The following CCDC88B variants were observed in gnomAD, a reference collection of about 807,000 sequenced individuals.
CCDC88B encodes coiled-coil and HOOK domain protein 88B, also known as coiled-coil domain-containing protein 88B.
Under a neutral mutation model 183.7 loss-of-function variants are expected in CCDC88B, and 138 were observed. That is an observed-to-expected ratio of 0.75 (90% CI 0.65 to 0.87). CCDC88B has a LOEUF of 0.87. CCDC88B is among the 40% of genes least tolerant of loss of function. The pLI, the probability that CCDC88B is intolerant of heterozygous loss-of-function variation, is 0.00. For synonymous variants in CCDC88B, 835 were observed against 867.5 expected (o/e 0.96, Z 0.66); for missense variants, 1,822 against 1,965.6 (o/e 0.93, Z 1.38).
intron 26 of CCDC88B, 92 bp downstream of exon 26, chr11:64,355,720 A>T (rs757953539): frequency 7.1e-6 from 9 of 1,267,610 alleles, no homozygotes; most frequent in Admixed American, 2.7e-5. Flanking sequence ...TTCGACAATG[A>T]TCCTTTACCA....
At chr11:64,354,395 C>T (rs1353474018) in intron 24 of CCDC88B, among the ~76,000 whole-genome samples, 1 of 152,122 alleles carries the variant, frequency 6.6e-6, no homozygotes, top group African/African-American at 2.4e-5. Context: ...CCCAGCCTGC[C>T]CCATCCGCAG....
intron 24 of CCDC88B, 126 bp downstream of exon 24, chr11:64,354,296 C>G (rs2036457849): frequency 5.1e-6 from 4 of 782,130 alleles, no homozygotes; most frequent in Middle Eastern, 4.2e-4. Context: ...GCCTGCCCCC[C>G]CTGCCCTGAT....
Position 64,341,697 on chromosome 11 carries a change from G to T in CCDC88B, c.630G>T (p.Met210Ile). The change falls in exon 7 of 27, where the codon ATG becomes ATT. Residue 210 changes from methionine to isoleucine, a missense_variant. Coordinates refer to ENST00000356786, the MANE Select transcript of CCDC88B (RefSeq NM_032251.6). ...TGGAGATGCTGTCCCGGAGCCTGAT[G>T]GGGACACTGTCGAAGCTGGCACGGG... is the stretch of plus-strand genomic sequence containing the variant. ...AELEMLSRSL[M>I]GTLSKLARER... is the part of the protein sequence containing the mutation. 6.2e-7 allele frequency: 1 copy of T among 1,605,792 alleles called. No homozygotes were observed. Among genetic ancestry groups the T allele is most frequent in the Non-Finnish European group, 8.5e-7 (1 of 1,176,484 alleles).
rs771559730 is a variant in CCDC88B at position 64,345,004 on chromosome 11, G to A, written c.2463G>A (p.Ala821=). The A allele has an allele frequency of 1.6e-5, 25 of 1,546,604 alleles. No homozygotes were observed. Among genetic ancestry groups the A allele is most frequent in the South Asian group, 2.4e-5 (2 of 84,344 alleles). ...REALVEALAA[A]GRERRQWERE... ...CGCTGGTGGAGGCGCTGGCAGCAGC[G>A]GGCCGGGAGCGGAGGCAGTGGGAGC... is the stretch of plus-strand genomic sequence containing the variant. Residue 821 remains alanine, a synonymous_variant, in exon 14 of 27, where the codon GCG becomes GCA. Transcript: ENST00000356786.
At chr11:64,347,685 T>C (rs1217332792) in intron 14 of CCDC88B, among the ~76,000 whole-genome samples, 1 of 152,188 alleles carries the variant, frequency 6.6e-6, no homozygotes, top group Non-Finnish European at 1.5e-5. Context: ...ACTTTCCAGC[T>C]GTGTGGCTTG....
chr11:64,357,068 C>G lies in CCDC88B; in HGVS notation c.4405C>G (p.Pro1469Ala), dbSNP rs767589028. The G allele has an allele frequency of 1.2e-6, 2 of 1,608,142 alleles. No individual in the cohort carries two copies. Among genetic ancestry groups the G allele is most frequent in the Non-Finnish European group, 1.7e-6 (2 of 1,176,376 alleles). ...GPEVQEPEKR[P>A]LTPSLSQ ...TGAGGTACAGGAACCGGAGAAACGTCCCCTCACCCCATCCCTCAGCCAGTG... is the reference window on the plus strand; with the variant it reads ...TGAGGTACAGGAACCGGAGAAACGTGCCCTCACCCCATCCCTCAGCCAGTG... The change falls in exon 27 of 27, where the codon CCC (proline) becomes GCC (alanine). Residue 1469 changes from proline (P) to alanine (A), a missense_variant. Physicochemically the swap from Pro to Ala is conservative, Grantham distance 27 (BLOSUM62 -1). Coordinates refer to ENST00000356786, the MANE Select transcript of CCDC88B (RefSeq NM_032251.6).
Position 64,340,284 on chromosome 11 carries a change from G to T in CCDC88B, c.18G>T (p.Gly6=). Residue 6 remains glycine (G), a synonymous_variant, in exon 1 of 27, where the codon GGG becomes GGT. Transcript: ENST00000356786. MEGGK[G]PRLRDFLSGS... ...ACCCGGGCATGGAGGGGGGCAAGGG[G>T]CCCAGGCTCAGAGACTTCCTGAGTG... 1 of 1,273,202 alleles carries T rather than the reference G, an allele frequency of 7.9e-7. No individual in the cohort carries two copies. Among genetic ancestry groups the T allele is most frequent in the East Asian group, 3.1e-5 (1 of 32,094 alleles). The allele number at this position is 1,273,202 out of a possible 1,614,324, so 78.9% of individuals were successfully genotyped here.
rs1246274014 is a variant in CCDC88B, at chr11:64,342,510, C to G, written c.904-12C>G. The G allele has an allele frequency of 1.3e-6, 2 of 1,527,280 alleles. No homozygotes were observed. Among genetic ancestry groups the G allele is most frequent in the Non-Finnish European group, 1.8e-6 (2 of 1,141,288 alleles). The allele number at this position is 1,527,280 out of a possible 1,614,324, so 94.6% of individuals were successfully genotyped here. On this transcript the variant is annotated splice_polypyrimidine_tract_variant and intron_variant, in intron 9 of 26. Coordinates refer to ENST00000356786, the MANE Select transcript of CCDC88B (RefSeq NM_032251.6). Reference sequence around the variant, plus strand: ...CGGCTGGCTGTTCCCAGCTCCACACCGTCTGGCCCAGGCCCAGGCGCTGTC... The same window carrying G: ...CGGCTGGCTGTTCCCAGCTCCACACGGTCTGGCCCAGGCCCAGGCGCTGTC...
intron 16 of CCDC88B, 76 bp from the exon 17 acceptor site, chr11:64,351,084 C>CAT (rs2135311669): frequency 9.3e-7 from 1 of 1,072,204 alleles, no homozygotes; most frequent in Non-Finnish European, 1.3e-6. Flanking sequence ...AGGGCAGGTC[C>CAT]ATAAGCGCAG....
intron 14 of CCDC88B, among the ~76,000 whole-genome samples, chr11:64,348,485 G>A (rs2036204657): frequency 6.6e-6 from 1 of 152,186 alleles, no homozygotes; most frequent in South Asian, 2.1e-4. Flanking sequence ...TTGCGCTAGT[G>A]GCTGTCAGCC....
chr11:64,354,302 C>A (rs1330287854), intron 24 of CCDC88B, 132 bp downstream of exon 24: 43 of 695,400 alleles, frequency 6.2e-5, no homozygotes, highest in Non-Finnish European at 7.9e-5. Context: ...CCCCCCTGCC[C>A]TGATGCCACC....
chr11:64,349,980 G>T, intron 16 of CCDC88B: 1 of 415,114 alleles, frequency 2.4e-6, no homozygotes, highest in Admixed American at 3.6e-5. Context: ...GGAAGCCAGC[G>T]ATGGTTTCTG....
At chr11:64,355,173 C>A in intron 24 of CCDC88B, 21 bp from the exon 25 acceptor site, 1 of 1,421,914 alleles carries the variant, frequency 7.0e-7, no homozygotes, top group South Asian at 1.7e-5. Flanking sequence ...CTCACCCCCT[C>A]CCTGCATGTA....
intron 8 of CCDC88B, 45 bp downstream of exon 8, chr11:64,342,184 G>A: frequency 1.3e-6 from 2 of 1,596,560 alleles, no homozygotes; most frequent in Non-Finnish European, 1.7e-6. Flanking sequence ...GAGAGGGGCA[G>A]ATTAAGCCTG....
intron 2 of CCDC88B, 66 bp from the exon 3 acceptor site, chr11:64,340,841 C>T (rs1314244917): frequency 1.2e-5 from 18 of 1,538,690 alleles, no homozygotes; most frequent in Non-Finnish European, 1.5e-5. Context: ...GTGGGCGGGG[C>T]CTGAGGGACG....
chr11:64,356,721 A>C (rs1010279822), intron 26 of CCDC88B: 1 of 417,260 alleles, frequency 2.4e-6, no homozygotes, highest in African/African-American at 2.0e-5. Context: ...GGAAGAAAGG[A>C]GAGCAGGGGA....
rs767133753 is a variant in CCDC88B, at chr11:64,343,985, G to T, written c.1456-12G>T. On this transcript the variant is annotated splice_polypyrimidine_tract_variant and intron_variant, in intron 13 of 26. Coordinates refer to ENST00000356786, the MANE Select transcript of CCDC88B (RefSeq NM_032251.6). Reference sequence around the variant, plus strand: ...CTCCCTGGGCCTGACTGTCCCTCTCGTATGCCCTCAGCACCCCCTGCTGGA... The same window carrying T: ...CTCCCTGGGCCTGACTGTCCCTCTCTTATGCCCTCAGCACCCCCTGCTGGA... The T allele has an allele frequency of 1.9e-6, 3 of 1,556,724 alleles. No homozygotes were observed. The highest frequency in any genetic ancestry group is 2.6e-6 in the Non-Finnish European group (3 of 1,149,142).
intron 17 of CCDC88B, 86 bp from the exon 18 acceptor site, chr11:64,351,390 C>T: frequency 1.3e-6 from 2 of 1,533,446 alleles, no homozygotes; most frequent in African/African-American, 1.4e-5. Flanking sequence ...GGTGGGGGTG[C>T]CCCATGCAGT....
chr11:64,342,693 C>T lies in CCDC88B; in HGVS notation c.1062+13C>T, dbSNP rs1295127084. ...GAGTCAGCTGGAGGTGAGGCGGAGA[C>T]GGAGCCGCGGGGCGGGGCGTGCGCG... On this transcript the variant is annotated intron_variant, in intron 10 of 26. Coordinates refer to ENST00000356786, the MANE Select transcript of CCDC88B (RefSeq NM_032251.6). 6 of 1,464,964 alleles carry T rather than the reference C, an allele frequency of 4.1e-6. No homozygotes were observed. Among genetic ancestry groups the T allele is most frequent in the African/African-American group, 1.4e-5 (1 of 69,700 alleles). 90.7% of individuals were successfully genotyped at this position (1,464,964 alleles called of 1,614,324 possible).
Sources: gnomAD v4.1 joint callset for allele counts (sites outside exome capture counted in the v4.1 genomes callset) on GRCh38, gnomAD v4.1.1 for gene constraint, MANE v1.5 for transcripts, NCBI Gene and HGNC (gene_info 2026-07-23, HGNC 2026-07-21) for gene names.